Variants in BACE1 observed in about 807,000 individuals in gnomAD.
The protein encoded by BACE1 is APP beta-secretase.
A neutral mutation model predicts 54.0 loss-of-function variants in BACE1; 21 were observed. The observed-to-expected ratio is 0.39, with a 90% CI of 0.28 to 0.56. The LOEUF (loss-of-function observed/expected upper bound fraction) is 0.56. Ranked by LOEUF, BACE1 falls within the 20% of genes least tolerant of loss-of-function variation. The probability of loss-of-function intolerance (pLI) is 0.63; values close to 1 mark genes in which losing one functional copy is unlikely to be tolerated. For missense variants in BACE1, 511 were observed against 661.2 expected, an observed-to-expected ratio of 0.77 and a Z score of 2.49; for synonymous variants, 232 against 260.9, an observed-to-expected ratio of 0.89 and a Z score of 1.07.
At chr11:117,300,970 T>A (rs967479892) in intron 1 of BACE1, among the ~76,000 whole-genome samples, 1 of 152,198 alleles carries the variant, frequency 6.6e-6, no homozygotes, top group African/African-American at 2.4e-5. Flanking sequence ...TGTCTCCATT[T>A]CTTCACCTCC....
intron 1 of BACE1, among the ~76,000 whole-genome samples, chr11:117,297,917 C>T (rs962342232): frequency 6.6e-6 from 1 of 152,160 alleles, no homozygotes; most frequent in Non-Finnish European, 1.5e-5. Context: ...GTGTGCTGGC[C>T]CTCTGACAGC....
chr11:117,303,181 C>T (rs1458953698), intron 1 of BACE1, among the ~76,000 whole-genome samples: 3 of 152,152 alleles, frequency 2.0e-5, no homozygotes, highest in Non-Finnish European at 4.4e-5. Flanking sequence ...TTCCTCTCAC[C>T]TGGCCCCTGG....
chr11:117,292,844 T>G, intron 5 of BACE1: 1 of 531,946 alleles, frequency 1.9e-6, no homozygotes, highest in Non-Finnish European at 3.3e-6. Context: ...ACTAGTTCCA[T>G]GTTTTTTTTT....
intron 1 of BACE1, among the ~76,000 whole-genome samples, chr11:117,300,223 C>G (rs2034693140): frequency 6.6e-6 from 1 of 152,126 alleles, no homozygotes; most frequent in African/African-American, 2.4e-5. Flanking sequence ...CACCCCAATA[C>G]TACGATTTCA....
At chr11:117,313,963 T>C (rs1288503514) in intron 1 of BACE1, among the ~76,000 whole-genome samples, 2 of 152,190 alleles carry the variant, frequency 1.3e-5, no homozygotes, top group African/African-American at 2.4e-5. Context: ...TTTAAAGATA[T>C]GACAGTAGTT....
intron 1 of BACE1, among the ~76,000 whole-genome samples, chr11:117,311,495 C>G (rs2034942288): frequency 6.6e-6 from 1 of 152,140 alleles, no homozygotes; most frequent in African/African-American, 2.4e-5. Flanking sequence ...AAATCCTTCC[C>G]ACCTGCCCTG....
intron 1 of BACE1, among the ~76,000 whole-genome samples, chr11:117,301,952 GT>G (rs1404904646): frequency 6.6e-6 from 1 of 152,204 alleles, no homozygotes; most frequent in East Asian, 1.9e-4. Flanking sequence ...TGTCCAATCT[GT>G]TTTGTGCACT....
intron 1 of BACE1, among the ~76,000 whole-genome samples, chr11:117,298,073 G>A (rs781556608): frequency 3.3e-5 from 5 of 152,224 alleles, no homozygotes; most frequent in East Asian, 1.9e-4. Context: ...AGGCTAAGGC[G>A]GGTGGATCAC....
chr11:117,292,597 CTT>C (rs2134451050), intron 5 of BACE1, among the ~76,000 whole-genome samples: 1 of 152,286 alleles, frequency 6.6e-6, no homozygotes, highest in East Asian at 1.9e-4. Flanking sequence ...GAGATAAACA[CTT>C]TACACATTAT....
Position 117,291,647 on chromosome 11 carries a change from G to A in BACE1, c.942+65C>T, listed in dbSNP as rs969084306. The A allele has an allele frequency of 4.2e-6, 5 of 1,189,046 alleles. No homozygotes were observed. The African/African-American group carries it at 4.5e-5, about 11-fold the overall frequency. The allele number at this position is 1,189,046 out of a possible 1,614,324, so 73.7% of individuals were successfully genotyped here. ...GACATCTTGGCTGTTGCTGAAGAAT[G>A]TGACTCTCACCGCCTCCCTCTGACA... On this transcript the variant is annotated intron_variant, in intron 6 of 8. Transcript: ENST00000313005.
chr11:117,292,904 T>C (rs1453380079), intron 5 of BACE1, 150 bp downstream of exon 5: 2 of 895,592 alleles, frequency 2.2e-6, no homozygotes, highest in African/African-American at 1.7e-5. Flanking sequence ...GTGTGACCAT[T>C]AAGCCCCTGA....
At chr11:117,295,072 C>T (rs1399945649) in intron 3 of BACE1, 59 bp downstream of exon 3, 1 of 1,484,212 alleles carries the variant, frequency 6.7e-7, no homozygotes, top group Non-Finnish European at 9.4e-7. Flanking sequence ...TCTCCTAATT[C>T]CTTCTCTGTA....
At chr11:117,305,551 G>C (rs944615834) in intron 1 of BACE1, among the ~76,000 whole-genome samples, 7 of 151,524 alleles carry the variant, frequency 4.6e-5, no homozygotes, top group African/African-American at 1.5e-4. Flanking sequence ...TTTTCAAGGA[G>C]TCCCAATGTG....
intron 1 of BACE1, among the ~76,000 whole-genome samples, chr11:117,312,220 G>T (rs771148763): frequency 1.9e-4 from 29 of 152,252 alleles, no homozygotes; most frequent in Non-Finnish European, 3.8e-4. Flanking sequence ...ATTCACTGTG[G>T]ACTCTCCCAA....
chr11:117,298,262 A>ACTGCACTCCGGCCTGGACGAGAG (rs2034647249), intron 1 of BACE1, among the ~76,000 whole-genome samples: 2 of 151,926 alleles, frequency 1.3e-5, no homozygotes, highest in Admixed American at 6.6e-5. Context: ...AAATTACACC[A>ACTGCACTCCGGCCTGGACGAGAG]CTGCACTCCG....
intron 1 of BACE1, among the ~76,000 whole-genome samples, chr11:117,307,816 G>C (rs757470483): frequency 7.9e-5 from 12 of 152,180 alleles, no homozygotes; most frequent in Non-Finnish European, 1.8e-4. Context: ...GCAAGGGCTT[G>C]TGTGCAACCC....
At chr11:117,292,792 A>G in intron 5 of BACE1, 1 of 351,106 alleles carries the variant, frequency 2.8e-6, no homozygotes, top group South Asian at 4.2e-5. Flanking sequence ...AGACTTGCCC[A>G]AGGCTACGAA....
chr11:117,295,719 A>T lies in BACE1; in HGVS notation c.351-372T>A, dbSNP rs543274105. ...TCCGTCAAGCTCCCCGAGAAAAGGA[A>T]CCATTGACTCTCTTACTGCCTTGGA... On this transcript the variant is annotated intron_variant, in intron 2 of 8. Transcript: ENST00000313005. 3.6e-4 allele frequency: 526 copies of T among 1,466,264 alleles called. 3 individuals are homozygous for T. The South Asian group carries it at 5.1e-3, about 14-fold the overall frequency. The allele number at this position is 1,466,264 out of a possible 1,614,324, so 90.8% of individuals were successfully genotyped here.
intron 1 of BACE1, among the ~76,000 whole-genome samples, chr11:117,306,818 A>G (rs558185712): frequency 6.6e-6 from 1 of 152,212 alleles, no homozygotes; most frequent in East Asian, 1.9e-4. Context: ...CTCAAGAAAA[A>G]AAAAGAAAAA....
Sources: gnomAD v4.1 joint callset for allele counts (sites outside exome capture counted in the v4.1 genomes callset) on GRCh38, gnomAD v4.1.1 for gene constraint, MANE v1.5 for transcripts, NCBI Gene and HGNC (gene_info 2026-07-23, HGNC 2026-07-21) for gene names.